Variants in SORCS2 observed in about 807,000 individuals in gnomAD.
SORCS2 encodes VPS10 domain-containing receptor SorCS2.
In SORCS2, 100 loss-of-function variants were observed where a neutral mutation model predicts 141.6. That is an observed-to-expected ratio of 0.71 (90% CI 0.60 to 0.83). The LOEUF is 0.83. SORCS2 is among the 40% of genes least tolerant of loss of function. SORCS2 has a pLI of 0.00. For missense variants in SORCS2, 1,646 were observed against 1,560.2 expected, an observed-to-expected ratio of 1.05 and a Z score of -0.93; for synonymous variants, 789 against 676.9, an observed-to-expected ratio of 1.17 and a Z score of -2.57.
chr4:7,265,669 A>G (rs532843967), intron 1 of SORCS2, among the ~76,000 whole-genome samples: 4 of 152,232 alleles, frequency 2.6e-5, no homozygotes, highest in African/African-American at 9.6e-5. Context: ...TGTGTCTCCT[A>G]TGAAGACATT....
chr4:7,697,638 C>G (rs1560492231), intron 12 of SORCS2, among the ~76,000 whole-genome samples: 1 of 152,210 alleles, frequency 6.6e-6, no homozygotes, highest in African/African-American at 2.4e-5. Flanking sequence ...AGCCAGGGAG[C>G]CACATGGTGC....
At position 7,440,576 on chromosome 4, in the gene SORCS2, T is replaced by C. The variant is rs201550900; in HGVS notation, c.548+44221T>C. Among the ~76,000 whole-genome samples, 17 of 152,316 alleles carry C rather than the reference T, an allele frequency of 1.1e-4. No homozygotes were observed. In the East Asian group the frequency reaches 1.7e-3, roughly 16 times the overall value. ...GCAGGGTAACAGAGTTGCCTCCTTCTCCTGAAGCCCAGTGGGGCTTGCCCA... is the reference window on the plus strand; with the variant it reads ...GCAGGGTAACAGAGTTGCCTCCTTCCCCTGAAGCCCAGTGGGGCTTGCCCA... On this transcript the variant is annotated intron_variant, in intron 2 of 26. Coordinates refer to ENST00000507866, the MANE Select transcript of SORCS2 (RefSeq NM_020777.3).
At chr4:7,681,281 C>T (rs988763638) in intron 9 of SORCS2, among the ~76,000 whole-genome samples, 2 of 152,144 alleles carry the variant, frequency 1.3e-5, no homozygotes, top group Admixed American at 6.5e-5. Flanking sequence ...TAAGGCTGCT[C>T]ATCAGCAGAC....
At chr4:7,353,855 G>A (rs888187137) in intron 1 of SORCS2, among the ~76,000 whole-genome samples, 1 of 152,186 alleles carries the variant, frequency 6.6e-6, no homozygotes, top group African/African-American at 2.4e-5. Flanking sequence ...TAGCAGGGAA[G>A]CTCAGCACCG....
intron 1 of SORCS2, among the ~76,000 whole-genome samples, chr4:7,331,970 C>T (rs569647959): frequency 3.3e-4 from 51 of 152,286 alleles, no homozygotes; most frequent in African/African-American, 1.1e-3. Context: ...TCTGCCAGGC[C>T]GTCCTGAGAG....
At chr4:7,726,190 C>T (rs1388615577) in intron 20 of SORCS2, among the ~76,000 whole-genome samples, 5 of 152,184 alleles carry the variant, frequency 3.3e-5, no homozygotes, top group Admixed American at 6.5e-5. Context: ...CTGCGGTGGC[C>T]ATGTGTGGAG....
chr4:7,714,474 C>A, intron 16 of SORCS2, 101 bp downstream of exon 16: 2 of 1,317,556 alleles, frequency 1.5e-6, no homozygotes, highest in Non-Finnish European at 2.1e-6. Flanking sequence ...GCCTCAGCGC[C>A]TTTTATAACC....
intron 3 of SORCS2, among the ~76,000 whole-genome samples, chr4:7,606,382 A>G (rs370964301): frequency 7.9e-5 from 12 of 152,122 alleles, no homozygotes; most frequent in South Asian, 4.2e-4. Flanking sequence ...TGGCCGTCAG[A>G]CTCCAGCGAC....
At chr4:7,597,459 G>T (rs1055800449) in intron 3 of SORCS2, among the ~76,000 whole-genome samples, 2 of 143,916 alleles carry the variant, frequency 1.4e-5, no homozygotes, top group African/African-American at 5.2e-5. Flanking sequence ...CAATAGGGAA[G>T]AGGACTATCG....
chr4:7,211,402 T>A (rs1728053797), intron 1 of SORCS2, among the ~76,000 whole-genome samples: 1 of 152,144 alleles, frequency 6.6e-6, no homozygotes, highest in African/African-American at 2.4e-5. Context: ...TTTATTTATT[T>A]ATTTCGAGAT....
At chr4:7,408,186 G>A (rs1725091726) in intron 2 of SORCS2, among the ~76,000 whole-genome samples, 1 of 151,936 alleles carries the variant, frequency 6.6e-6, no homozygotes. Context: ...CCTTCAGGGT[G>A]TTTTTTATTT....
chr4:7,539,749 C>G (rs1398466894), intron 3 of SORCS2, among the ~76,000 whole-genome samples: 1 of 150,830 alleles, frequency 6.6e-6, no homozygotes, highest in Non-Finnish European at 1.5e-5. Flanking sequence ...GGCGGCCCCA[C>G]CCCATCCCTG....
chr4:7,726,114 A>G (rs921997215), intron 20 of SORCS2, among the ~76,000 whole-genome samples: 1 of 152,160 alleles, frequency 6.6e-6, no homozygotes, highest in Non-Finnish European at 1.5e-5. Context: ...CACCATCCCC[A>G]TGGCTGGGTC....
chr4:7,524,779 C>T (rs888596395), intron 2 of SORCS2, among the ~76,000 whole-genome samples: 1 of 151,988 alleles, frequency 6.6e-6, no homozygotes, highest in African/African-American at 2.4e-5. Flanking sequence ...CGGGTGGTCC[C>T]CCTCCCCACC....
chr4:7,364,066 A>G (rs920302749), intron 1 of SORCS2, among the ~76,000 whole-genome samples: 9 of 151,668 alleles, frequency 5.9e-5, no homozygotes, highest in African/African-American at 1.9e-4. Flanking sequence ...ATGCCTCACC[A>G]TCATCATCAC....
At chr4:7,403,993 ATATATTTTT>A (rs1419262946) in intron 2 of SORCS2, among the ~76,000 whole-genome samples, 24 of 7,708 alleles carry the variant, frequency 3.1e-3, no homozygotes, top group African/African-American at 4.5e-3. Context: ...ATATATATAT[ATATATTTTT>A]TTTTTTTTTT....
intron 3 of SORCS2, among the ~76,000 whole-genome samples, chr4:7,590,521 G>T (rs1289815634): frequency 6.6e-6 from 1 of 152,222 alleles, no homozygotes; most frequent in Admixed American, 6.5e-5. Flanking sequence ...GCCGGGCTGG[G>T]ACGTTGGGTG....
At chr4:7,565,634 A>G (rs139570223) in intron 3 of SORCS2, among the ~76,000 whole-genome samples, 123 of 149,164 alleles carry the variant, frequency 8.2e-4, no homozygotes, top group African/African-American at 2.5e-3. Context: ...AATGATGGTG[A>G]TGATGGTGAT....
intron 1 of SORCS2, among the ~76,000 whole-genome samples, chr4:7,273,357 C>G (rs764319266): frequency 6.6e-6 from 1 of 152,170 alleles, no homozygotes; most frequent in African/African-American, 2.4e-5. Context: ...TTGTCTCGGT[C>G]CTCCCTCTGT....
Sources: allele counts gnomAD v4.1 joint callset (sites outside exome capture counted in the v4.1 genomes callset), GRCh38; gene constraint gnomAD v4.1.1; transcripts MANE v1.5; gene names NCBI Gene and HGNC (gene_info 2026-07-23, HGNC 2026-07-21).